Variants in FBXO43 observed in about 807,000 individuals in gnomAD.
The protein encoded by FBXO43 is F-box protein 43.
Under a neutral mutation model 56.7 loss-of-function variants are expected in FBXO43, and 22 were observed. The observed-to-expected ratio is 0.39, with a 90% CI of 0.28 to 0.55. The LOEUF (loss-of-function observed/expected upper bound fraction) is 0.55. Among genes scored for constraint, FBXO43 ranks in the 20% least tolerant of loss-of-function variants. The pLI is 0.66. For missense variants in FBXO43, 733 were observed against 814.9 expected (o/e 0.90, Z 1.22); for synonymous variants, 306 against 294.5 (o/e 1.04, Z -0.40).
chr8:100,142,133 C>A lies in FBXO43; in HGVS notation c.121G>T (p.Gly41Cys). ...EILKMSQRHS[G>C]QAGTEAGNGA... Reference sequence around the variant, plus strand: ...TTTCCTGCTTCAGTGCCAGCTTGACCTGAGTGCCTTTGCGACATCTTCAAA... The same window carrying A: ...TTTCCTGCTTCAGTGCCAGCTTGACATGAGTGCCTTTGCGACATCTTCAAA... The change falls in exon 2 of 5, where the codon GGT becomes TGT. Residue 41 changes from glycine to cysteine, a missense_variant. Transcript: ENST00000428847. 6.3e-7 allele frequency: 1 copy of A among 1,585,052 alleles called. No individual in the cohort carries two copies. Among genetic ancestry groups the A allele is most frequent in the Admixed American group, 1.9e-5 (1 of 52,640 alleles).
upstream of FBXO43, among the ~76,000 whole-genome samples, chr8:100,147,387 C>A (rs952797250): frequency 2.6e-5 from 4 of 152,122 alleles, no homozygotes; most frequent in African/African-American, 9.7e-5. Context: ...GCAGGAAATT[C>A]CAAACTTAAA....
intron 1 of FBXO43, 149 bp downstream of exon 1, chr8:100,144,902 A>T (rs1284352703): frequency 2.1e-6 from 2 of 941,550 alleles, no homozygotes; most frequent in South Asian, 4.1e-5. Flanking sequence ...ACTGCACTCC[A>T]GCCTGGGCGA....
At position 100,141,179 on chromosome 8, in the gene FBXO43, G is replaced by A. The variant is rs199620225; in HGVS notation, c.1075C>T (p.Leu359=). The change falls in exon 2 of 5, where the codon CTG becomes TTG. Residue 359 remains leucine, a synonymous_variant. Transcript: ENST00000428847. ...TTGGGAGTCCCCTTATGTTTCTGCA[G>A]TAGTTCTTGAAAAGAACCCTCCTGG... ...SDQEGSFQEL[L]QKHKGTPKVG... 1 of 1,614,126 alleles carries A rather than the reference G, an allele frequency of 6.2e-7. No individual in the cohort carries two copies.
At chr8:100,144,805 G>A (rs1298225179) in intron 1 of FBXO43, among the ~76,000 whole-genome samples, 2 of 151,512 alleles carry the variant, frequency 1.3e-5, no homozygotes, top group African/African-American at 2.4e-5. Context: ...GGTGGCGGGC[G>A]CCTGTAGTCC....
In FBXO43 at chr8:100,141,413, C is replaced by T; in HGVS notation, c.841G>A (p.Glu281Lys). Reference sequence around the variant, plus strand: ...CCACTAACAGAGGAGCCCAGGAGCTCTGGACATGCATTCTCATCATTAATG... The same window carrying T: ...CCACTAACAGAGGAGCCCAGGAGCTTTGGACATGCATTCTCATCATTAATG... ...LCINDENACP[E>K]LLGSSVSGTT... Residue 281 changes from glutamate to lysine, a missense_variant, in exon 2 of 5, where the codon GAG (glutamate) becomes AAG (lysine). Physicochemically the swap from Glu to Lys is moderately conservative, Grantham distance 56. Transcript: ENST00000428847. 1 of 1,613,584 alleles carries T rather than the reference C, an allele frequency of 6.2e-7. No individual in the cohort carries two copies. The highest frequency in any genetic ancestry group is 8.5e-7 in the Non-Finnish European group (1 of 1,180,002).
upstream of FBXO43, among the ~76,000 whole-genome samples, chr8:100,147,899 C>T (rs1375814750): frequency 2.0e-5 from 3 of 152,138 alleles, no homozygotes; most frequent in African/African-American, 7.2e-5. Context: ...TGAAGCCTAC[C>T]CCCACACTCC....
In FBXO43 at chr8:100,145,101, C is replaced by G. The variant is rs1480274057; in HGVS notation, c.35G>C (p.Cys12Ser). ...SFKDKDERIS[C>S]LEAYVTLTSK... ...TGTCAAAGTTACGTAGGCTTCCAAA[C>G]AAGAAATTCTCTCATCTTTGTCTTT... is the stretch of plus-strand genomic sequence containing the variant. Residue 12 changes from cysteine (C) to serine (S), a missense_variant, in exon 1 of 5, where the codon TGT becomes TCT. Transcript: ENST00000428847. 6.2e-7 allele frequency: 1 copy of G among 1,612,572 alleles called. No homozygotes were observed. The highest frequency in any genetic ancestry group is 8.5e-7 in the Non-Finnish European group (1 of 1,179,176).
At chr8:100,140,579 G>A in intron 2 of FBXO43, 104 bp downstream of exon 2, 1 of 873,582 alleles carries the variant, frequency 1.1e-6, no homozygotes. Flanking sequence ...GACAACAAAA[G>A]ACAGAGATAA....
At chr8:100,148,602 G>A (rs143036109), upstream of FBXO43, among the ~76,000 whole-genome samples, 993 of 151,046 alleles carry the variant, frequency 6.6e-3, 12 homozygotes, top group African/African-American at 0.023. Context: ...TAGTAGAGAC[G>A]GGGTTTCATC....
intron 2 of FBXO43, among the ~76,000 whole-genome samples, chr8:100,139,682 C>G (rs1169284017): frequency 6.6e-6 from 1 of 152,184 alleles, no homozygotes; most frequent in Non-Finnish European, 1.5e-5. Flanking sequence ...TTAGTTCCCA[C>G]CCTCAATATT....
In FBXO43 at chr8:100,145,504, G is replaced by A. The variant is rs1814803562; in HGVS notation, c.-369C>T. On this transcript the variant is annotated 5_prime_UTR_variant, in exon 1 of 5. Transcript: ENST00000428847. ...GCCCAGAAAGCCAAGGGCAGCAGGG[G>A]ATGGGCTGGCGTCACCAGGAGCGGA... 6.0e-6 allele frequency: 1 copy of A among 167,814 alleles called. No homozygotes were observed. The highest frequency in any genetic ancestry group is 1.3e-5 in the Non-Finnish European group (1 of 78,766). 10.4% of individuals were successfully genotyped at this position (167,814 alleles called of 1,614,324 possible). A position where few individuals can be genotyped will look rare whatever the true frequency, so the allele number is the denominator to read the frequency against.
At chr8:100,144,055 T>C (rs1353929164) in intron 1 of FBXO43, among the ~76,000 whole-genome samples, 1 of 152,016 alleles carries the variant, frequency 6.6e-6, no homozygotes, top group Non-Finnish European at 1.5e-5. Context: ...TTACAGGCAA[T>C]AGCCAACGCG....
chr8:100,136,137 T>C (rs1814463030), intron 3 of FBXO43, among the ~76,000 whole-genome samples: 1 of 152,198 alleles, frequency 6.6e-6, no homozygotes, highest in Non-Finnish European at 1.5e-5. Context: ...AGAAGGCAAT[T>C]AATATCTTCC....
rs182600011 is a variant in FBXO43 at position 100,141,841 on chromosome 8, G to A, written c.413C>T (p.Thr138Ile). 1.2e-5 allele frequency: 19 copies of A among 1,590,586 alleles called. No individual in the cohort carries two copies. The highest frequency in any genetic ancestry group is 6.8e-5 in the African/African-American group (5 of 73,336). Residue 138 changes from threonine to isoleucine, a missense_variant, in exon 2 of 5, where the codon ACC (threonine) becomes ATC (isoleucine). By Grantham distance (89) the Thr-to-Ile change is moderately conservative (BLOSUM62 -1). Transcript: ENST00000428847. Reference sequence around the variant, plus strand: ...TTTAGGTGTTTCACAAAGTTCTGGGGTTTTATCCTTTTCCTTTCTAGGCAA... The same window carrying A: ...TTTAGGTGTTTCACAAAGTTCTGGGATTTTATCCTTTTCCTTTCTAGGCAA... ...CILPRKEKDKTPELCETPKIS... is the reference protein window; with the variant it reads ...CILPRKEKDKIPELCETPKIS...
chr8:100,134,278 C>T lies in FBXO43; in HGVS notation c.1761G>A (p.Arg587=), dbSNP rs747435922. The part of the protein sequence containing the change: ...SALRSVQAQA[R]IPGSQREQGS... ...CTTGCTCTCTCTGAGAACCAGGTAT[C>T]CTAGCCTGTGCCTGCACAGATCTTA... The change falls in exon 4 of 5, where the codon AGG becomes AGA. Residue 587 remains arginine (R), a synonymous_variant. Transcript: ENST00000428847. 35 of 1,614,030 alleles carry T rather than the reference C, an allele frequency of 2.2e-5. No homozygotes were observed. The African/African-American group carries it at 4.1e-4, about 19-fold the overall frequency.
At position 100,141,397 on chromosome 8, in the gene FBXO43, G is replaced by C; in HGVS notation, c.857C>G (p.Ser286Cys). The C allele has an allele frequency of 1.9e-6, 3 of 1,613,504 alleles. No individual in the cohort carries two copies. Among genetic ancestry groups the C allele is most frequent in the Non-Finnish European group, 2.5e-6 (3 of 1,180,012 alleles). ...ENACPELLGS[S>C]VSGTTCGTDE... ...TGTTCCACAAGTTGTTCCACTAACA[G>C]AGGAGCCCAGGAGCTCTGGACATGC... The change falls in exon 2 of 5, where the codon TCT (serine) becomes TGT (cysteine). Residue 286 changes from serine to cysteine, a missense_variant. Physicochemically the swap from Ser to Cys is moderately radical, Grantham distance 112. Transcript: ENST00000428847.
intron 1 of FBXO43, 126 bp from the exon 2 acceptor site, chr8:100,142,294 C>A: frequency 1.0e-6 from 1 of 966,650 alleles, no homozygotes; most frequent in Non-Finnish European, 1.4e-6. Flanking sequence ...TGAAAAGTTA[C>A]TTTAAAAAAA....
upstream of FBXO43, among the ~76,000 whole-genome samples, chr8:100,148,249 A>G (rs985889599): frequency 8.3e-5 from 5 of 59,890 alleles, no homozygotes; most frequent in African/African-American, 1.3e-4. Flanking sequence ...AGACTATATC[A>G]TATCTCCTTT....
At chr8:100,149,334 T>A (rs940176435), upstream of FBXO43, among the ~76,000 whole-genome samples, 3 of 152,216 alleles carry the variant, frequency 2.0e-5, no homozygotes, top group African/African-American at 7.2e-5. Context: ...AACTGGAGAG[T>A]TAATATACAA....
Sources: allele counts gnomAD v4.1 joint callset (sites outside exome capture counted in the v4.1 genomes callset), GRCh38; gene constraint gnomAD v4.1.1; transcripts MANE v1.5; gene names NCBI Gene and HGNC (gene_info 2026-07-23, HGNC 2026-07-21).